PCDHA10: variants seen among roughly 807,000 people sequenced by gnomAD.
The protein encoded by PCDHA10 is protocadherin alpha 10, also known as protocadherin alpha-10.
PCDHA10 carries 45 observed loss-of-function variants against 61.2 expected under a neutral mutation model. The observed-to-expected ratio is 0.74, with a 90% CI of 0.58 to 0.94. The LOEUF (loss-of-function observed/expected upper bound fraction) is 0.94. Among genes scored for constraint, PCDHA10 ranks in the 40% least tolerant of loss-of-function variants. The probability of loss-of-function intolerance (pLI) is 0.00; values close to 1 mark genes in which losing one functional copy is unlikely to be tolerated. For synonymous variants in PCDHA10, 602 were observed against 548.8 expected, an observed-to-expected ratio of 1.10 and a Z score of -1.35; for missense variants, 1,278 against 1,236.2, an observed-to-expected ratio of 1.03 and a Z score of -0.51.
intron 1 of PCDHA10, among the ~76,000 whole-genome samples, chr5:140,924,769 C>T (rs988519447): frequency 1.3e-5 from 2 of 151,766 alleles, no homozygotes; most frequent in Admixed American, 6.6e-5. Flanking sequence ...GTGGTGCGCG[C>T]TTGTAGTCCT....
At chr5:140,947,706 A>G (rs2153680894) in intron 1 of PCDHA10, among the ~76,000 whole-genome samples, 1 of 151,686 alleles carries the variant, frequency 6.6e-6, no homozygotes, top group East Asian at 1.9e-4. Context: ...AGTTTTAAGT[A>G]TTGAGGTTTC....
chr5:140,882,545 G>A (rs1174281421), intron 1 of PCDHA10: 4 of 1,614,238 alleles, frequency 2.5e-6, no homozygotes. Context: ...GATCGACCGC[G>A]AGGAGCTGTG....
intron 1 of PCDHA10, among the ~76,000 whole-genome samples, chr5:140,904,827 T>A (rs1554191731): frequency 2.0e-5 from 3 of 152,064 alleles, no homozygotes; most frequent in African/African-American, 7.2e-5. Context: ...AGCATTTTTT[T>A]ATATGTTTCA....
At chr5:140,898,782 G>A (rs1170822216) in intron 1 of PCDHA10, among the ~76,000 whole-genome samples, 5 of 152,306 alleles carry the variant, frequency 3.3e-5, no homozygotes, top group Middle Eastern at 3.4e-3. Context: ...ACCTTGGGCA[G>A]TATGGCCATT....
At chr5:140,979,865 G>C (rs2096867408) in intron 2 of PCDHA10, among the ~76,000 whole-genome samples, 1 of 152,162 alleles carries the variant, frequency 6.6e-6, no homozygotes, top group Non-Finnish European at 1.5e-5. Flanking sequence ...CAAAATATCT[G>C]GGCAACTATC....
intron 1 of PCDHA10, among the ~76,000 whole-genome samples, chr5:140,899,340 C>T (rs1199833845): frequency 6.6e-6 from 1 of 152,062 alleles, no homozygotes; most frequent in Non-Finnish European, 1.5e-5. Flanking sequence ...TCATAGATAG[C>T]TCTTATTATT....
chr5:140,856,653 A>G lies in PCDHA10; in HGVS notation c.605A>G (p.Glu202Gly), dbSNP rs2044134498. 1 of 1,598,162 alleles carries G rather than the reference A, an allele frequency of 6.3e-7. No individual in the cohort carries two copies. Among genetic ancestry groups the G allele is most frequent in the Admixed American group, 1.7e-5 (1 of 59,224 alleles). ...VLVLRKLLDR[E>G]ENPQLKLLLT... is the part of the protein sequence containing the mutation. The stretch of plus-strand genomic sequence containing the variant: ...GTTCTGCGGAAGCTGCTGGATCGTG[A>G]AGAAAATCCTCAGCTAAAGTTGTTG... Residue 202 changes from glutamate (E) to glycine (G), a missense_variant, in exon 1 of 4, where the codon GAA becomes GGA. Coordinates refer to ENST00000307360, the MANE Select transcript of PCDHA10 (RefSeq NM_018901.4).
intron 1 of PCDHA10, chr5:140,863,232 G>A (rs1283717964): frequency 8.1e-7 from 1 of 1,230,740 alleles, no homozygotes; most frequent in Non-Finnish European, 1.1e-6. Context: ...AGGTCCCATC[G>A]CGGGCTTTGG....
At chr5:140,881,461 C>T (rs1428843491) in intron 1 of PCDHA10, 1 of 635,408 alleles carries the variant, frequency 1.6e-6, no homozygotes, top group Non-Finnish European at 2.0e-6. Context: ...AACCTTAGAG[C>T]ATTGTTGTGG....
Position 141,009,727 on chromosome 5 carries a change from C to T in PCDHA10, c.2637C>T (p.Pro879=), listed in dbSNP as rs781880006. The part of the protein sequence containing the change: ...YGPGNPKQSG[P]GELPDKFIIP... ...CAGGCAACCCCAAACAATCCGGTCC[C>T]GGTGAGTTGCCCGACAAATTCATTA... Residue 879 remains proline, a synonymous_variant, in exon 4 of 4, where the codon CCC becomes CCT. Coordinates refer to ENST00000307360, the MANE Select transcript of PCDHA10 (RefSeq NM_018901.4). The T allele has an allele frequency of 3.1e-6, 5 of 1,614,022 alleles. No homozygotes were observed. The highest frequency in any genetic ancestry group is 2.2e-5 in the East Asian group (1 of 44,886).
At chr5:140,940,611 C>T (rs782735444) in intron 1 of PCDHA10, among the ~76,000 whole-genome samples, 1 of 152,144 alleles carries the variant, frequency 6.6e-6, no homozygotes. Flanking sequence ...CTGCTCCTGG[C>T]TCCTGCAAAT....
At chr5:140,894,236 T>C (rs1205163436) in intron 1 of PCDHA10, among the ~76,000 whole-genome samples, 7 of 152,250 alleles carry the variant, frequency 4.6e-5, no homozygotes, top group South Asian at 2.1e-4. Context: ...TGAATGACAA[T>C]GTAATTTTCT....
intron 1 of PCDHA10, among the ~76,000 whole-genome samples, chr5:140,971,548 C>T (rs558563294): frequency 6.6e-6 from 1 of 152,246 alleles, no homozygotes; most frequent in African/African-American, 2.4e-5. Context: ...CCAGATCAAC[C>T]TGTTAAATTC....
chr5:140,928,900 G>A lies in PCDHA10; in HGVS notation c.2389-50049G>A, dbSNP rs782597882. On this transcript the variant is annotated intron_variant, in intron 1 of 3. Coordinates refer to ENST00000307360, the MANE Select transcript of PCDHA10 (RefSeq NM_018901.4). ...TCAGTTACTTCCAGACTTTGAAGATGTCTGGGAACCAGGAGGGCAGCTTTC... is the reference window on the plus strand; with the variant it reads ...TCAGTTACTTCCAGACTTTGAAGATATCTGGGAACCAGGAGGGCAGCTTTC... The A allele has an allele frequency of 3.1e-6, 5 of 1,614,212 alleles. No homozygotes were observed. The South Asian group carries it at 5.5e-5, about 18-fold the overall frequency.
chr5:140,877,335 G>T, intron 1 of PCDHA10: 2 of 1,613,978 alleles, frequency 1.2e-6, no homozygotes, highest in Non-Finnish European at 1.7e-6. Context: ...CGCACATCCC[G>T]TTCCACGTGG....
At chr5:140,954,864 G>A (rs2095103058) in intron 1 of PCDHA10, among the ~76,000 whole-genome samples, 1 of 152,074 alleles carries the variant, frequency 6.6e-6, no homozygotes, top group Admixed American at 6.5e-5. Context: ...TGTCCTGAAT[G>A]GTATTGCCTA....
intron 1 of PCDHA10, chr5:140,875,484 C>A: frequency 6.2e-7 from 1 of 1,611,246 alleles, no homozygotes. Context: ...TGGTGATTAT[C>A]GGACCAAGAG....
At chr5:140,979,843 A>G (rs1373380351) in intron 2 of PCDHA10, among the ~76,000 whole-genome samples, 1 of 152,246 alleles carries the variant, frequency 6.6e-6, no homozygotes, top group African/African-American at 2.4e-5. Context: ...TAATCTTCAA[A>G]CTTAAGCCCC....
rs565339027 is a variant in PCDHA10, at chr5:141,010,492, C to G, written c.*555C>G. ...AGGGGAAGTGTAAACTTAAAGGGAC[C>G]AGACTTTCTAAATCTTACAACTCAA... On this transcript the variant is annotated 3_prime_UTR_variant, in exon 4 of 4. Transcript: ENST00000307360. 28 of 628,626 alleles carry G rather than the reference C, an allele frequency of 4.5e-5. No homozygotes were observed. Among genetic ancestry groups the G allele is most frequent in the Admixed American group, 1.7e-4 (5 of 29,282 alleles). 38.9% of individuals were successfully genotyped at this position (628,626 alleles called of 1,614,324 possible).
Sources: gnomAD v4.1 joint callset for allele counts (sites outside exome capture counted in the v4.1 genomes callset) on GRCh38, gnomAD v4.1.1 for gene constraint, MANE v1.5 for transcripts, NCBI Gene and HGNC (gene_info 2026-07-23, HGNC 2026-07-21) for gene names.